TSNAXIP1: variants seen among roughly 807,000 people sequenced by gnomAD.
The protein encoded by TSNAXIP1 is translin associated factor X interacting protein 1.
TSNAXIP1 carries 89 observed loss-of-function variants against 84.8 expected under a neutral mutation model. The observed-to-expected ratio is 1.05, with a 90% confidence interval of 0.88 to 1.25. The LOEUF (loss-of-function observed/expected upper bound fraction) is 1.25. Ranked by LOEUF, TSNAXIP1 falls within the 50% of genes most tolerant of loss-of-function variation. TSNAXIP1 has a pLI of 0.00. For missense variants in TSNAXIP1, 874 were observed against 887.6 expected (o/e 0.98, Z 0.20); for synonymous variants, 347 against 335.2 (o/e 1.04, Z -0.39).
At chr16:67,821,699 T>C (rs953344134) in intron 4 of TSNAXIP1, among the ~76,000 whole-genome samples, 6 of 150,770 alleles carry the variant, frequency 4.0e-5, no homozygotes, top group Non-Finnish European at 5.9e-5. Context: ...CCCATGAAAA[T>C]GCCAGTGAGG....
At chr16:67,821,941 T>C (rs1435248762) in intron 4 of TSNAXIP1, among the ~76,000 whole-genome samples, 2 of 147,910 alleles carry the variant, frequency 1.4e-5, no homozygotes, top group East Asian at 2.0e-4. Context: ...GCCGAGATCA[T>C]GCCACTGCAC....
chr16:67,822,146 G>A lies in TSNAXIP1; in HGVS notation c.387+921G>A, dbSNP rs564254793. On this transcript the variant is annotated intron_variant, in intron 4 of 15. Transcript: ENST00000561639. ...ACAAAAAAATTAGCCAGGTGTGGTG[G>A]CAGGCACCTGTAGTCCCAGCTGCTC... Among the ~76,000 whole-genome samples the A allele has an allele frequency of 3.3e-5, 5 of 151,556 alleles. No individual in the cohort carries two copies. In the South Asian group the frequency reaches 1.0e-3, roughly 32 times the overall value.
At chr16:67,818,339 T>G (rs1420609921) in intron 2 of TSNAXIP1, among the ~76,000 whole-genome samples, 2 of 151,676 alleles carry the variant, frequency 1.3e-5, no homozygotes, top group African/African-American at 4.8e-5. Flanking sequence ...CACAGGGAGA[T>G]TTCATCTCTA....
At chr16:67,819,446 G>T (rs923955223) in intron 2 of TSNAXIP1, among the ~76,000 whole-genome samples, 2 of 151,620 alleles carry the variant, frequency 1.3e-5, no homozygotes, top group African/African-American at 4.8e-5. Context: ...GTTTCACCAT[G>T]TTGGCCAGGC....
At position 67,827,834 on chromosome 16, in the gene TSNAXIP1, C is replaced by A. The variant is rs775240467; in HGVS notation, c.1980C>A (p.Thr660=). ...DPSLDKQTVN[T]YMSQAFQLPE... ...GCCTGGACAAGCAGACAGTGAACACCTACATGAGCCAGGCCTTCCAGCTCC... is the reference window on the plus strand; with the variant it reads ...GCCTGGACAAGCAGACAGTGAACACATACATGAGCCAGGCCTTCCAGCTCC... The change falls in exon 16 of 16, where the codon ACC becomes ACA. Residue 660 remains threonine (T), a synonymous_variant. Transcript: ENST00000561639. 1.2e-6 allele frequency: 2 copies of A among 1,614,014 alleles called. No individual in the cohort carries two copies. The highest frequency in any genetic ancestry group is 8.5e-7 in the Non-Finnish European group (1 of 1,180,036).
At chr16:67,819,815 A>ATTTTTTTTTTTTTTTTTTTTT (rs1162375778) in intron 2 of TSNAXIP1, among the ~76,000 whole-genome samples, 2 of 102,660 alleles carry the variant, frequency 1.9e-5, no homozygotes, top group African/African-American at 4.2e-5. Flanking sequence ...ACCTGGCTAA[A>ATTTTTTTTTTTTTTTTTTTTT]TTTTTTTTTT....
intron 2 of TSNAXIP1, among the ~76,000 whole-genome samples, chr16:67,817,658 G>A (rs1205672592): frequency 1.3e-5 from 2 of 150,420 alleles, no homozygotes; most frequent in Non-Finnish European, 3.0e-5. Context: ...TTGGGAGGCC[G>A]AAGTGGGTGG....
chr16:67,815,860 C>T (rs143701109), intron 2 of TSNAXIP1, among the ~76,000 whole-genome samples: 103 of 151,342 alleles, frequency 6.8e-4, no homozygotes, highest in African/African-American at 2.2e-3. Context: ...AGCACAGTGG[C>T]GCGATCTCGG....
chr16:67,808,404 G>A (rs753409177), intron 1 of TSNAXIP1, among the ~76,000 whole-genome samples: 2 of 152,094 alleles, frequency 1.3e-5, no homozygotes, highest in Non-Finnish European at 2.9e-5. Flanking sequence ...GTGAAACCCG[G>A]TCTCTACAAA....
At position 67,826,175 on chromosome 16, in the gene TSNAXIP1, C is replaced by T. The variant is rs769374978; in HGVS notation, c.1168C>T (p.Arg390Cys). 1.8e-5 allele frequency: 29 copies of T among 1,612,512 alleles called. No individual in the cohort carries two copies. In the East Asian group the frequency reaches 5.3e-4, roughly 30 times the overall value. Residue 390 changes from arginine to cysteine, a missense_variant, in exon 10 of 16, where the codon CGC becomes TGC. Coordinates refer to ENST00000561639, the MANE Select transcript of TSNAXIP1 (RefSeq NM_001288990.3). ...AGATGTGGTGGCTGGGGGCCCAGAGCGCTGGCAGATGCTGGCTGAGGGCAA... is the reference window on the plus strand; with the variant it reads ...AGATGTGGTGGCTGGGGGCCCAGAGTGCTGGCAGATGCTGGCTGAGGGCAA... Reference protein sequence around the residue: ...CKDVVAGGPERWQMLAEGKNS... With the variant: ...CKDVVAGGPECWQMLAEGKNS...
Position 67,806,940 on chromosome 16 carries a change from A to G in TSNAXIP1, c.-210A>G. The G allele has an allele frequency of 2.8e-6, 2 of 713,596 alleles. No individual in the cohort carries two copies. Among genetic ancestry groups the G allele is most frequent in the Non-Finnish European group, 4.5e-6 (2 of 442,768 alleles). The allele number at this position is 713,596 out of a possible 1,614,324, so 44.2% of individuals were successfully genotyped here. ...GGGGTCAAATCGGCTGTAGTGGTTG[A>G]CTCTCAGGGCACCCGCTGCCGGGTC... On this transcript the variant is annotated 5_prime_UTR_variant, in exon 1 of 16. Transcript: ENST00000561639.
Position 67,824,643 on chromosome 16 carries a change from A to G in TSNAXIP1, c.542A>G (p.Asn181Ser), listed in dbSNP as rs757620733. The G allele has an allele frequency of 1.2e-6, 2 of 1,614,160 alleles. No homozygotes were observed. Among genetic ancestry groups the G allele is most frequent in the Non-Finnish European group, 1.7e-6 (2 of 1,180,010 alleles). ...CTGAAGGCCAAGCTTGTCACTGTGA[A>G]TGAGGACTGCAATGAGAGGATCCTG... ...EPLKAKLVTV[N>S]EDCNERILAM... Residue 181 changes from asparagine to serine, a missense_variant, in exon 6 of 16, where the codon AAT becomes AGT. By Grantham distance (46) the Asn-to-Ser change is conservative. Coordinates refer to ENST00000561639, the MANE Select transcript of TSNAXIP1 (RefSeq NM_001288990.3).
At chr16:67,826,119 GC>G in intron 9 of TSNAXIP1, 32 bp from the exon 10 acceptor site, 1 of 1,613,150 alleles carries the variant, frequency 6.2e-7, no homozygotes, top group Non-Finnish European at 8.5e-7. Flanking sequence ...TTACATGTGG[GC>G]CCAGACTCCA....
chr16:67,826,730 G>T lies in TSNAXIP1; in HGVS notation c.1440G>T (p.Glu480Asp). 2 of 1,613,934 alleles carry T rather than the reference G, an allele frequency of 1.2e-6. No homozygotes were observed. Among genetic ancestry groups the T allele is most frequent in the Non-Finnish European group, 1.7e-6 (2 of 1,179,954 alleles). ...TFPDFFFNFLEHRFGPSDAMA... is the reference protein window; with the variant it reads ...TFPDFFFNFLDHRFGPSDAMA... ...CAGATTTCTTCTTCAATTTCCTGGA[G>T]CATCGCTTTGGGCCCAGTGATGCCA... Residue 480 changes from glutamate (E) to aspartate (D), a missense_variant, in exon 12 of 16, where the codon GAG becomes GAT. Physicochemically the swap from Glu to Asp is conservative, Grantham distance 45. Coordinates refer to ENST00000561639, the MANE Select transcript of TSNAXIP1 (RefSeq NM_001288990.3).
At chr16:67,817,509 T>C in intron 2 of TSNAXIP1, among the ~76,000 whole-genome samples, 1 of 147,252 alleles carries the variant, frequency 6.8e-6, no homozygotes, top group South Asian at 2.1e-4. Context: ...CTCCGTCTCC[T>C]GACCTCGTGA....
At chr16:67,821,502 G>A (rs1567760340) in intron 4 of TSNAXIP1, among the ~76,000 whole-genome samples, 1 of 149,198 alleles carries the variant, frequency 6.7e-6, no homozygotes, top group East Asian at 2.1e-4. Context: ...CCCTGAACCC[G>A]GGAGGCAGCG....
At position 67,824,752 on chromosome 16, in the gene TSNAXIP1, TGAG is replaced by T. The variant is rs754888426; in HGVS notation, c.655_657del (p.Glu219del). ...TGCTAAAACTCATCGACAAAAAGAA[TGAG>T]GAGAAGATTTCATTGCAGAGCGAGG... is the stretch of plus-strand genomic sequence containing the variant. On this transcript the variant is annotated inframe_deletion, in exon 6 of 16. Transcript: ENST00000561639. 158 of 1,613,998 alleles carry T rather than the reference TGAG, an allele frequency of 9.8e-5. 1 individual carries two copies. Among genetic ancestry groups the T allele is most frequent in the Middle Eastern group, 1.6e-4 (1 of 6,062 alleles).
At chr16:67,818,608 G>A (rs1193572643) in intron 2 of TSNAXIP1, among the ~76,000 whole-genome samples, 1 of 152,038 alleles carries the variant, frequency 6.6e-6, no homozygotes. Context: ...ACTCAAGCCT[G>A]TAATCCCAGC....
At chr16:67,811,916 G>A (rs1175390685) in intron 1 of TSNAXIP1, among the ~76,000 whole-genome samples, 1 of 152,108 alleles carries the variant, frequency 6.6e-6, no homozygotes, top group Non-Finnish European at 1.5e-5. Context: ...CTTGTCCAAT[G>A]TTGAGAAGCA....
Sources: gnomAD v4.1 joint callset for allele counts (sites outside exome capture counted in the v4.1 genomes callset) on GRCh38, gnomAD v4.1.1 for gene constraint, MANE v1.5 for transcripts, NCBI Gene and HGNC (gene_info 2026-07-23, HGNC 2026-07-21) for gene names.